RXFP1: variants seen among roughly 807,000 people sequenced by gnomAD.
RXFP1 encodes relaxin family peptide receptor 1, also known as relaxin receptor 1.
A neutral mutation model predicts 89.8 loss-of-function variants in RXFP1; 73 were observed. That is an observed-to-expected ratio of 0.81 (90% CI 0.67 to 0.99). The LOEUF is 0.99. RXFP1 is among the 50% of genes least tolerant of loss of function. The pLI is 0.00. For synonymous variants in RXFP1, 277 were observed against 305.5 expected (o/e 0.91, Z 0.97); for missense variants, 793 against 895.5 (o/e 0.89, Z 1.46).
intron 1 of RXFP1, among the ~76,000 whole-genome samples, chr4:158,567,899 C>G (rs1038278727): frequency 6.6e-6 from 1 of 152,220 alleles, no homozygotes; most frequent in African/African-American, 2.4e-5. Flanking sequence ...GGGTCTCCTT[C>G]CAGCTTGTGG....
Position 158,542,100 on chromosome 4 carries a change from TATA to T in RXFP1, c.49+20076_49+20078del, listed in dbSNP as rs1319916424. Among the ~76,000 whole-genome samples, 21 of 45,650 alleles carry T rather than the reference TATA, an allele frequency of 4.6e-4. 1 individual carries two copies. The highest frequency in any genetic ancestry group is 7.2e-4 in the Non-Finnish European group (15 of 20,790). The allele number at this position is 45,650 out of a possible 152,430, so 29.9% of individuals were successfully genotyped here. On this transcript the variant is annotated intron_variant, in intron 1 of 17. Transcript: ENST00000307765. ...ATGGCTATATATATATATATATATA[TATA>T]TATATATTTTTTTTTTAGTAGAGAC...
chr4:158,621,381 T>C (rs536153011), intron 9 of RXFP1, among the ~76,000 whole-genome samples: 1 of 152,238 alleles, frequency 6.6e-6, no homozygotes, highest in African/African-American at 2.4e-5. Context: ...TGAACACTAA[T>C]AAAAAGCATG....
In RXFP1 at chr4:158,599,425, C is replaced by T; in HGVS notation, c.386C>T (p.Thr129Ile). The change falls in exon 4 of 18, where the codon ACT (threonine) becomes ATT (isoleucine). Residue 129 changes from threonine to isoleucine, a missense_variant. By Grantham distance (89) the Thr-to-Ile change is moderately conservative. Transcript: ENST00000307765. ...RAVPSVSSNV[T>I]AMSLQWNLIR... Reference sequence around the variant, plus strand: ...GTTCCATCGGTTTCTTCAAATGTGACTGCAATGTAAGTAGAAAAGAATTAC... The same window carrying T: ...GTTCCATCGGTTTCTTCAAATGTGATTGCAATGTAAGTAGAAAAGAATTAC... The T allele has an allele frequency of 1.2e-6, 2 of 1,612,616 alleles. No individual in the cohort carries two copies. The highest frequency in any genetic ancestry group is 1.7e-6 in the Non-Finnish European group (2 of 1,179,096).
chr4:158,566,533 T>G (rs1753592600), intron 1 of RXFP1, among the ~76,000 whole-genome samples: 1 of 152,014 alleles, frequency 6.6e-6, no homozygotes, highest in Non-Finnish European at 1.5e-5. Flanking sequence ...CCAGCTAACC[T>G]TTTGCATTTT....
In RXFP1 at chr4:158,607,838, T is replaced by C. The variant is rs6842018; in HGVS notation, c.465-134T>C. 3.4e-3 allele frequency: 1,864 copies of C among 554,562 alleles called. 29 individuals carry two copies. The highest frequency in any genetic ancestry group is 0.033 in the African/African-American group (1,678 of 50,808). The allele number at this position is 554,562 out of a possible 1,614,324, so 34.4% of individuals were successfully genotyped here. A position where few individuals can be genotyped will look rare whatever the true frequency, so the allele number is the denominator to read the frequency against. Reference sequence around the variant, plus strand: ...ATGTGGCATCTTAACCATTTTTAAGTCTACCTTCAGAGGCATTAAGCACAT... The same window carrying C: ...ATGTGGCATCTTAACCATTTTTAAGCCTACCTTCAGAGGCATTAAGCACAT... On this transcript the variant is annotated intron_variant, in intron 5 of 17. Coordinates refer to ENST00000307765, the MANE Select transcript of RXFP1 (RefSeq NM_021634.4).
intron 2 of RXFP1, among the ~76,000 whole-genome samples, chr4:158,583,486 A>G (rs533555194): frequency 6.7e-4 from 102 of 152,344 alleles, no homozygotes; most frequent in Non-Finnish European, 1.1e-3. Context: ...TGCCCCATAA[A>G]CATATAGACT....
intron 1 of RXFP1, chr4:158,544,350 A>T: frequency 1.0e-6 from 1 of 985,342 alleles, no homozygotes; most frequent in Non-Finnish European, 1.2e-6. Flanking sequence ...TCATCCTTGC[A>T]CTGAAGGATT....
intron 1 of RXFP1, among the ~76,000 whole-genome samples, chr4:158,560,504 G>A (rs927074395): frequency 3.3e-5 from 5 of 152,122 alleles, no homozygotes; most frequent in Admixed American, 6.5e-5. Flanking sequence ...AGGACACTTC[G>A]GAGTTTCTCG....
chr4:158,527,564 A>AAAATATAT (rs5741905), intron 1 of RXFP1, among the ~76,000 whole-genome samples: 20 of 98,326 alleles, frequency 2.0e-4, no homozygotes, highest in South Asian at 8.4e-4. Flanking sequence ...AAAAAAAAAA[A>AAAATATAT]ATATATATAT....
intron 4 of RXFP1, 92 bp from the exon 5 acceptor site, chr4:158,604,976 A>G: frequency 3.1e-6 from 2 of 644,126 alleles, no homozygotes; most frequent in South Asian, 4.5e-5. Context: ...GAAAGCTAGT[A>G]CTAAAGTAAA....
chr4:158,545,993 A>C (rs1241200001), intron 1 of RXFP1, among the ~76,000 whole-genome samples: 1 of 152,172 alleles, frequency 6.6e-6, no homozygotes, highest in Non-Finnish European at 1.5e-5. Flanking sequence ...GAAGAAAGTC[A>C]TTGGTAGCTT....
Position 158,593,465 on chromosome 4 carries a change from C to T in RXFP1, c.252C>T (p.Ser84=), listed in dbSNP as rs749301658. ...KYFASYYKMT[S]QYPFEAETPE... ...TTGCCAGTTACTACAAAATGACTTC[C>T]CAATATCCTTTTGAGGCAGAAACAC... Residue 84 remains serine (S), a synonymous_variant, in exon 3 of 18, where the codon TCC becomes TCT. Coordinates refer to ENST00000307765, the MANE Select transcript of RXFP1 (RefSeq NM_021634.4). 2 of 1,610,632 alleles carry T rather than the reference C, an allele frequency of 1.2e-6. No individual in the cohort carries two copies. The highest frequency in any genetic ancestry group is 1.6e-4 in the Middle Eastern group (1 of 6,068).
rs534294376 is a variant in RXFP1, at chr4:158,624,017, C to T, written c.756-2803C>T. Among the ~76,000 whole-genome samples the T allele has an allele frequency of 5.3e-5, 8 of 152,154 alleles. No individual in the cohort carries two copies. In the East Asian group the frequency reaches 1.5e-3, roughly 29 times the overall value. On this transcript the variant is annotated intron_variant, in intron 9 of 17. Coordinates refer to ENST00000307765, the MANE Select transcript of RXFP1 (RefSeq NM_021634.4). The stretch of plus-strand genomic sequence containing the variant: ...GGGGGAAAAAACCCCAACAACTCTG[C>T]GTATTTATGCTATTATAGATGGGTC...
intron 5 of RXFP1, chr4:158,606,936 G>A: frequency 1.3e-6 from 1 of 767,830 alleles, no homozygotes; most frequent in Admixed American, 2.2e-5. Flanking sequence ...TTGCATGTTG[G>A]AGAAATAGGG....
rs1755403683 is a variant in RXFP1, at chr4:158,572,914, CAA to C, written c.187+83_187+84del. ...GTGAAGTCGCTGAGACTTCTCTCAA[CAA>C]AAAGACAAAACTAAATTGAAATACA... On this transcript the variant is annotated intron_variant, in intron 2 of 17. Coordinates refer to ENST00000307765, the MANE Select transcript of RXFP1 (RefSeq NM_021634.4). 1.9e-6 allele frequency: 3 copies of C among 1,540,488 alleles called. No homozygotes were observed. The African/African-American group carries it at 4.1e-5, about 21-fold the overall frequency.
intron 1 of RXFP1, among the ~76,000 whole-genome samples, chr4:158,543,545 C>T (rs901208070): frequency 7.2e-5 from 11 of 152,098 alleles, no homozygotes; most frequent in African/African-American, 2.4e-4. Context: ...CACAGTGTCT[C>T]CACAAACAAG....
At chr4:158,550,327 C>T (rs558555205) in intron 1 of RXFP1, among the ~76,000 whole-genome samples, 59 of 152,324 alleles carry the variant, frequency 3.9e-4, no homozygotes, top group Non-Finnish European at 7.4e-4. Context: ...TAGAAGTGAT[C>T]CAATTTTCCA....
chr4:158,633,750 A>G (rs1294068570), intron 12 of RXFP1, among the ~76,000 whole-genome samples: 2 of 151,778 alleles, frequency 1.3e-5, no homozygotes, highest in African/African-American at 4.8e-5. Flanking sequence ...GAATTTGACT[A>G]CTCCAGATAC....
intron 10 of RXFP1, 104 bp from the exon 11 acceptor site, chr4:158,628,534 G>T (rs568724538): frequency 4.2e-6 from 2 of 474,896 alleles, no homozygotes; most frequent in African/African-American, 4.0e-5. Context: ...TGTGAAAAAT[G>T]TACTGTATAT....
Sources: gnomAD v4.1 joint callset for allele counts (sites outside exome capture counted in the v4.1 genomes callset) on GRCh38, gnomAD v4.1.1 for gene constraint, MANE v1.5 for transcripts, NCBI Gene and HGNC (gene_info 2026-07-23, HGNC 2026-07-21) for gene names.